Variants in PDE4D observed in about 807,000 individuals in gnomAD.
PDE4D encodes phosphodiesterase 4D.
PDE4D carries 24 observed loss-of-function variants against 87.4 expected under a neutral mutation model. That is an observed-to-expected ratio of 0.27 (90% CI 0.20 to 0.39). The LOEUF (loss-of-function observed/expected upper bound fraction) is 0.39. PDE4D is among the 10% of genes least tolerant of loss of function. The probability of loss-of-function intolerance (pLI) is 1.00; values close to 1 mark genes in which losing one functional copy is unlikely to be tolerated. For synonymous variants in PDE4D, 384 were observed against 383.2 expected (o/e 1.00, Z -0.02); for missense variants, 714 against 1,041.0 (o/e 0.69, Z 4.32).
intron 2 of PDE4D, among the ~76,000 whole-genome samples, chr5:60,122,709 T>C (rs983689569): frequency 3.3e-5 from 5 of 152,318 alleles, no homozygotes; most frequent in Non-Finnish European, 7.4e-5. Context: ...TCTGGAGACA[T>C]TTTCCTCATC....
chr5:60,501,854 T>C (rs958733344), intron 1 of PDE4D, among the ~76,000 whole-genome samples: 7 of 152,096 alleles, frequency 4.6e-5, no homozygotes, highest in Non-Finnish European at 8.8e-5. Flanking sequence ...GGGTTGTTTG[T>C]TTTTTTCTTG....
intron 1 of PDE4D, among the ~76,000 whole-genome samples, chr5:59,559,816 A>T (rs542645343): frequency 6.6e-6 from 1 of 152,352 alleles, no homozygotes; most frequent in African/African-American, 2.4e-5. Flanking sequence ...GAACGACATC[A>T]TCAAGGATCA....
At chr5:59,967,382 T>C (rs1215480233) in intron 3 of PDE4D, among the ~76,000 whole-genome samples, 2 of 151,984 alleles carry the variant, frequency 1.3e-5, no homozygotes, top group Non-Finnish European at 2.9e-5. Flanking sequence ...TGGCCTAATT[T>C]TCACTATCTA....
intron 5 of PDE4D, among the ~76,000 whole-genome samples, chr5:59,119,062 TA>T (rs2153444541): frequency 6.6e-6 from 1 of 152,112 alleles, no homozygotes; most frequent in Non-Finnish European, 1.5e-5. Flanking sequence ...AAGATGAAAT[TA>T]AAAAAAGCTT....
chr5:59,640,477 G>T (rs1440552898), intron 1 of PDE4D, among the ~76,000 whole-genome samples: 1 of 152,038 alleles, frequency 6.6e-6, no homozygotes, highest in East Asian at 1.9e-4. Flanking sequence ...CATTCTTATG[G>T]CAAAGTAGGT....
At chr5:60,085,489 C>A (rs1178120937) in intron 2 of PDE4D, among the ~76,000 whole-genome samples, 1 of 152,050 alleles carries the variant, frequency 6.6e-6, no homozygotes, top group East Asian at 1.9e-4. Flanking sequence ...TTAATCCAAG[C>A]AAATAGCCAA....
Position 59,644,014 on chromosome 5 carries a change from T to A in PDE4D, c.455+249154A>T, listed in dbSNP as rs298028. ...AAGAGAGATGTAATAATGCATGAGATAGAGTCTAGAGAATTTAGAACAAGC... is the reference window on the plus strand; with the variant it reads ...AAGAGAGATGTAATAATGCATGAGAAAGAGTCTAGAGAATTTAGAACAAGC... On this transcript the variant is annotated intron_variant, in intron 1 of 14. Transcript: ENST00000340635. Among the ~76,000 whole-genome samples, 11 of 152,110 alleles carry A rather than the reference T, an allele frequency of 7.2e-5. No homozygotes were observed. The East Asian group carries it at 2.1e-3, about 29-fold the overall frequency.
At chr5:59,570,659 AT>A (rs1178322283) in intron 1 of PDE4D, among the ~76,000 whole-genome samples, 2 of 147,712 alleles carry the variant, frequency 1.4e-5, no homozygotes, top group Admixed American at 1.4e-4. Context: ...AAAAAAAAAA[AT>A]TGCAAAACTC....
chr5:59,645,664 T>A (rs1000269675), intron 1 of PDE4D, among the ~76,000 whole-genome samples: 4 of 152,180 alleles, frequency 2.6e-5, no homozygotes, highest in African/African-American at 7.2e-5. Context: ...CCAAAATCAA[T>A]GTGCCCAGAG....
At chr5:60,264,260 G>A (rs1230794810) in intron 1 of PDE4D, among the ~76,000 whole-genome samples, 1 of 152,068 alleles carries the variant, frequency 6.6e-6, no homozygotes, top group Non-Finnish European at 1.5e-5. Flanking sequence ...GAAAATAAAG[G>A]GAAATAAAAG....
At chr5:59,814,558 T>C (rs1768761037) in intron 1 of PDE4D, among the ~76,000 whole-genome samples, 2 of 152,290 alleles carry the variant, frequency 1.3e-5, no homozygotes, top group South Asian at 2.1e-4. Context: ...CTAGGAAGCA[T>C]ATCCAGAAAC....
At chr5:59,606,055 A>G (rs1161334747) in intron 1 of PDE4D, among the ~76,000 whole-genome samples, 4 of 152,118 alleles carry the variant, frequency 2.6e-5, no homozygotes, top group Non-Finnish European at 5.9e-5. Context: ...GTAGATGCAG[A>G]CATATATAGA....
chr5:59,456,417 G>A (rs1326831300), intron 1 of PDE4D, among the ~76,000 whole-genome samples: 4 of 152,046 alleles, frequency 2.6e-5, no homozygotes, highest in South Asian at 2.1e-4. Context: ...CTTGCCCTCC[G>A]CCATGACTGT....
intron 1 of PDE4D, chr5:59,356,719 A>G: frequency 6.5e-7 from 1 of 1,544,242 alleles, no homozygotes; most frequent in Non-Finnish European, 8.7e-7. Context: ...TAAGGCAGTT[A>G]AACAATTCTT....
intron 6 of PDE4D, among the ~76,000 whole-genome samples, chr5:59,010,886 C>T (rs1172050301): frequency 6.6e-6 from 1 of 152,186 alleles, no homozygotes; most frequent in Non-Finnish European, 1.5e-5. Flanking sequence ...TGGGAGGCAC[C>T]TCCCAGTAGG....
intron 1 of PDE4D, among the ~76,000 whole-genome samples, chr5:60,501,149 G>A (rs1411071997): frequency 5.3e-5 from 8 of 151,682 alleles, no homozygotes; most frequent in African/African-American, 1.5e-4. Flanking sequence ...ATCCCTCCCC[G>A]CTTCCCCCAC....
chr5:59,381,212 T>C (rs1192906563), intron 1 of PDE4D, among the ~76,000 whole-genome samples: 4 of 152,208 alleles, frequency 2.6e-5, no homozygotes, highest in Non-Finnish European at 5.9e-5. Flanking sequence ...TTTGCAGTTT[T>C]AGTGAAACCA....
chr5:59,535,312 G>C (rs961890249), intron 1 of PDE4D, among the ~76,000 whole-genome samples: 3 of 152,146 alleles, frequency 2.0e-5, no homozygotes, highest in Admixed American at 1.3e-4. Context: ...ATTTTTCTGG[G>C]TGTCTGGCCC....
chr5:59,168,692 G>T (rs888218283), intron 5 of PDE4D, among the ~76,000 whole-genome samples: 1 of 152,120 alleles, frequency 6.6e-6, no homozygotes, highest in South Asian at 2.1e-4. Flanking sequence ...GAGAGAGAGA[G>T]GGAGGGAAGG....
Sources: allele counts gnomAD v4.1 joint callset (sites outside exome capture counted in the v4.1 genomes callset), GRCh38; gene constraint gnomAD v4.1.1; transcripts MANE v1.5; gene names NCBI Gene and HGNC (gene_info 2026-07-23, HGNC 2026-07-21).